Variants in KDM4C observed in about 807,000 individuals in gnomAD.
KDM4C encodes the protein lysine-specific demethylase 4C.
KDM4C carries 81 observed loss-of-function variants against 129.3 expected under a neutral mutation model. The observed-to-expected ratio is 0.63, with a 90% CI of 0.52 to 0.75. The LOEUF is 0.75. Ranked by LOEUF, KDM4C falls within the 30% of genes least tolerant of loss-of-function variation. The pLI is 0.00. For missense variants in KDM4C, 1,457 were observed against 1,304.0 expected (o/e 1.12, Z -1.81); for synonymous variants, 573 against 456.1 (o/e 1.26, Z -3.26).
At chr9:7,028,242 G>T (rs111329588) in intron 15 of KDM4C, among the ~76,000 whole-genome samples, 1,696 of 152,098 alleles carry the variant, frequency 0.011, 17 homozygotes, top group Non-Finnish European at 0.019. Flanking sequence ...CAAGGCTCAC[G>T]GGGTACCATC....
intron 18 of KDM4C, among the ~76,000 whole-genome samples, chr9:7,115,019 C>T (rs192603863): frequency 2.6e-5 from 4 of 152,226 alleles, no homozygotes; most frequent in African/African-American, 4.8e-5. Flanking sequence ...GTAAAGATTG[C>T]AGTGAGCCAA....
At chr9:6,816,899 C>T (rs9644890) in intron 4 of KDM4C, among the ~76,000 whole-genome samples, 63,512 of 150,002 alleles carry the variant, frequency 0.42, 13,717 homozygotes, top group East Asian at 0.61. Flanking sequence ...GTGATTCTTA[C>T]TGGTTTATAC....
chr9:7,088,453 C>CA (rs1316962889), intron 17 of KDM4C, among the ~76,000 whole-genome samples: 2 of 152,178 alleles, frequency 1.3e-5, no homozygotes, highest in African/African-American at 4.8e-5. Context: ...TAGGATCACT[C>CA]AAAAACATTG....
At chr9:6,916,275 A>T (rs1421790519) in intron 8 of KDM4C, among the ~76,000 whole-genome samples, 1 of 152,088 alleles carries the variant, frequency 6.6e-6, no homozygotes, top group Admixed American at 6.5e-5. Context: ...GGAGCCTATG[A>T]GCATTTTAAA....
chr9:7,097,447 G>A (rs1028381843), intron 17 of KDM4C, among the ~76,000 whole-genome samples: 4 of 152,210 alleles, frequency 2.6e-5, no homozygotes, highest in African/African-American at 9.6e-5. Context: ...AGTTCAGAGT[G>A]GTGCAGAGGT....
intron 7 of KDM4C, among the ~76,000 whole-genome samples, 159 bp from the exon 8 acceptor site, chr9:6,892,936 A>G (rs375266913): frequency 6.6e-6 from 1 of 152,200 alleles, no homozygotes; most frequent in African/African-American, 2.4e-5. Context: ...AAAAAGCACT[A>G]TTAAAGGATT....
At chr9:7,016,303 A>AT (rs1823666941) in intron 15 of KDM4C, among the ~76,000 whole-genome samples, 1 of 149,108 alleles carries the variant, frequency 6.7e-6, no homozygotes, top group African/African-American at 2.5e-5. Context: ...AATTTTTTGT[A>AT]TTTTTAGTAG....
At chr9:7,052,894 A>AGAGAGAGAGAGAGAGCGAGAGAGAGAGC (rs1339242817) in intron 17 of KDM4C, among the ~76,000 whole-genome samples, 8 of 105,498 alleles carry the variant, frequency 7.6e-5, no homozygotes, top group African/African-American at 2.8e-4. Context: ...AGAGAGAGAG[A>AGAGAGAGAGAGAGAGCGAGAGAGAGAGC]GAGAGAGCGA....
chr9:6,726,842 TCTC>T (rs1817147845), intron 1 of KDM4C: 1 of 152,176 alleles, frequency 6.6e-6, no homozygotes, highest in South Asian at 2.1e-4. Context: ...TTCAAGCAAT[TCTC>T]CTCCTTCAGC....
At chr9:6,912,094 G>A (rs1819421713) in intron 8 of KDM4C, among the ~76,000 whole-genome samples, 1 of 152,236 alleles carries the variant, frequency 6.6e-6, no homozygotes, top group Non-Finnish European at 1.5e-5. Flanking sequence ...CCTTAGGAAA[G>A]AGGTTTTCTC....
chr9:6,769,202 T>G (rs117327848), intron 1 of KDM4C, among the ~76,000 whole-genome samples: 2,942 of 152,232 alleles, frequency 0.019, 41 homozygotes, highest in Non-Finnish European at 0.033. Context: ...TTTCTAAGCT[T>G]GCTGTTTTTT....
At chr9:6,872,111 A>G (rs1360405673) in intron 5 of KDM4C, among the ~76,000 whole-genome samples, 2 of 152,236 alleles carry the variant, frequency 1.3e-5, no homozygotes, top group Non-Finnish European at 2.9e-5. Flanking sequence ...TTCTTAGTCC[A>G]GCCTATAGGG....
intron 5 of KDM4C, among the ~76,000 whole-genome samples, chr9:6,860,280 T>G (rs1266058691): frequency 6.6e-6 from 1 of 152,202 alleles, no homozygotes; most frequent in Non-Finnish European, 1.5e-5. Flanking sequence ...TCTTTAGATG[T>G]GTTACTTGGA....
chr9:6,956,191 T>C (rs1329187997), intron 8 of KDM4C, among the ~76,000 whole-genome samples: 1 of 152,180 alleles, frequency 6.6e-6, no homozygotes, highest in Non-Finnish European at 1.5e-5. Flanking sequence ...GATACCACAA[T>C]GTGGTGACTA....
intron 12 of KDM4C, among the ~76,000 whole-genome samples, chr9:7,005,955 ACTAATGTTTTCAAATATATATTTT>A (rs1168747543): frequency 1.3e-5 from 2 of 152,180 alleles, no homozygotes; most frequent in Middle Eastern, 3.2e-3. Context: ...TGTCACTTGG[ACTAATGTTTTCAAATATATATTTT>A]CTAGTGTGAC....
At chr9:6,745,970 T>G (rs953460496) in intron 1 of KDM4C, among the ~76,000 whole-genome samples, 1 of 151,618 alleles carries the variant, frequency 6.6e-6, no homozygotes, top group African/African-American at 2.4e-5. Flanking sequence ...CCACCATACC[T>G]GGCTAATGTG....
At chr9:6,822,441 C>T (rs1173225949) in intron 4 of KDM4C, among the ~76,000 whole-genome samples, 1 of 152,158 alleles carries the variant, frequency 6.6e-6, no homozygotes, top group African/African-American at 2.4e-5. Flanking sequence ...TACATTGATT[C>T]ATTGCAAGAA....
rs564580767 is a variant in KDM4C at position 6,859,672 on chromosome 9, G to T, written c.629+9972G>T. Among the ~76,000 whole-genome samples the T allele has an allele frequency of 3.3e-5, 5 of 151,152 alleles. No homozygotes were observed. The East Asian group carries it at 9.8e-4, about 30-fold the overall frequency. The stretch of plus-strand genomic sequence containing the variant: ...GATCCGGAGATCGAAACCATCCTGG[G>T]TAACATGGTGAAACCCCGTCTCTAC... On this transcript the variant is annotated intron_variant, in intron 5 of 21. Transcript: ENST00000381309.
intron 19 of KDM4C, among the ~76,000 whole-genome samples, chr9:7,147,911 C>T (rs991994240): frequency 1.3e-5 from 2 of 152,212 alleles, no homozygotes; most frequent in African/African-American, 4.8e-5. Flanking sequence ...CTCATGCCCG[C>T]TAGGCTCGTT....
Sources: gnomAD v4.1 joint callset for allele counts (sites outside exome capture counted in the v4.1 genomes callset) on GRCh38, gnomAD v4.1.1 for gene constraint, MANE v1.5 for transcripts, NCBI Gene and HGNC (gene_info 2026-07-23, HGNC 2026-07-21) for gene names.